Variants in STPG2 observed in about 807,000 individuals in gnomAD.
The protein encoded by STPG2 is sperm-tail PG-rich repeat-containing protein 2.
Under a neutral mutation model 54.2 loss-of-function variants are expected in STPG2, and 56 were observed. The ratio of observed to expected loss-of-function variants is 1.03; its 90% CI spans 0.83 to 1.29. The LOEUF (loss-of-function observed/expected upper bound fraction) is 1.29. Among genes scored for constraint, STPG2 ranks in the 50% most tolerant of loss-of-function variants. The probability of loss-of-function intolerance (pLI) is 0.00; values close to 1 mark genes in which losing one functional copy is unlikely to be tolerated. For missense variants in STPG2, 596 were observed against 544.9 expected, an observed-to-expected ratio of 1.09 and a Z score of -0.93; for synonymous variants, 200 against 181.8, an observed-to-expected ratio of 1.10 and a Z score of -0.81.
intron 9 of STPG2, among the ~76,000 whole-genome samples, chr4:97,822,426 C>T (rs182725407): frequency 1.0e-3 from 154 of 152,336 alleles, no homozygotes; most frequent in African/African-American, 3.4e-3. Flanking sequence ...GCCCTCCAAA[C>T]TCTCCCAGCA....
intron 5 of STPG2, among the ~76,000 whole-genome samples, chr4:98,021,059 A>G (rs1473922340): frequency 6.6e-6 from 1 of 152,106 alleles, no homozygotes; most frequent in African/African-American, 2.4e-5. Context: ...GCCTTCTGCT[A>G]GCTTTTGAAT....
intron 4 of STPG2, among the ~76,000 whole-genome samples, chr4:97,462,386 T>C (rs768075016): frequency 1.4e-4 from 22 of 152,168 alleles, no homozygotes; most frequent in Non-Finnish European, 2.8e-4. Flanking sequence ...TATCAAATTC[T>C]ATATAAATTT....
chr4:97,918,806 A>T (rs1731987098), intron 8 of STPG2, among the ~76,000 whole-genome samples: 1 of 152,132 alleles, frequency 6.6e-6, no homozygotes, highest in Non-Finnish European at 1.5e-5. Flanking sequence ...GAACTCTGGA[A>T]ACTCGGGGGA....
intron 10 of STPG2, among the ~76,000 whole-genome samples, chr4:97,666,659 T>A (rs192942370): frequency 6.6e-6 from 1 of 152,196 alleles, no homozygotes; most frequent in Non-Finnish European, 1.5e-5. Context: ...TTAGGATATA[T>A]AACAATTGAC....
chr4:98,122,232 CTA>C (rs1481289650), intron 3 of STPG2, among the ~76,000 whole-genome samples: 1 of 152,144 alleles, frequency 6.6e-6, no homozygotes, highest in Non-Finnish European at 1.5e-5. Context: ...ACTTCCAATA[CTA>C]TGTTGAATAG....
intron 4 of STPG2, among the ~76,000 whole-genome samples, chr4:97,500,060 C>CA (rs1163863968): frequency 2.0e-5 from 3 of 151,160 alleles, no homozygotes; most frequent in Non-Finnish European, 4.4e-5. Context: ...ACTATGGTCT[C>CA]AAAAAAAGGC....
intron 9 of STPG2, among the ~76,000 whole-genome samples, chr4:97,778,320 C>T (rs187139021): frequency 1.1e-4 from 16 of 152,258 alleles, no homozygotes; most frequent in South Asian, 4.1e-4. Context: ...CCCATGCCCA[C>T]GGAGCCTCGC....
chr4:97,617,691 T>G (rs938701717), intron 10 of STPG2, among the ~76,000 whole-genome samples: 1 of 152,138 alleles, frequency 6.6e-6, no homozygotes. Context: ...CTTTCCCTTT[T>G]CTGAGCAATG....
intron 5 of STPG2, among the ~76,000 whole-genome samples, chr4:98,019,159 A>C (rs149015152): frequency 0.012 from 1,796 of 152,280 alleles, 29 homozygotes; most frequent in African/African-American, 0.041. Flanking sequence ...TAGGTCTAAC[A>C]TGTAAGTCTT....
chr4:97,866,033 T>C (rs1729759620), intron 8 of STPG2, among the ~76,000 whole-genome samples: 1 of 151,746 alleles, frequency 6.6e-6, no homozygotes, highest in Admixed American at 6.6e-5. Context: ...TTGTGGGAGC[T>C]AAAAATTAAA....
At chr4:97,888,334 A>G (rs1241736866) in intron 8 of STPG2, among the ~76,000 whole-genome samples, 1 of 152,166 alleles carries the variant, frequency 6.6e-6, no homozygotes, top group Non-Finnish European at 1.5e-5. Context: ...GAGAGCAGCC[A>G]TGGGGGCTGA....
intron 9 of STPG2, among the ~76,000 whole-genome samples, chr4:97,829,376 C>T (rs765908962): frequency 2.0e-5 from 3 of 152,100 alleles, no homozygotes; most frequent in African/African-American, 7.2e-5. Context: ...AAGTCACCAA[C>T]ATCAAAGAGC....
intron 9 of STPG2, among the ~76,000 whole-genome samples, chr4:97,728,906 T>C (rs189351256): frequency 8.6e-5 from 13 of 151,880 alleles, no homozygotes; most frequent in African/African-American, 3.1e-4. Flanking sequence ...TGCATGCATG[T>C]GTGTGTGTGA....
chr4:97,451,784 C>G (rs887384727), intron 4 of STPG2, among the ~76,000 whole-genome samples: 2 of 152,106 alleles, frequency 1.3e-5, no homozygotes, highest in African/African-American at 4.8e-5. Flanking sequence ...TATTGTTTTT[C>G]TCTATTACTG....
chr4:98,047,393 C>A (rs150201673), intron 5 of STPG2, among the ~76,000 whole-genome samples: 116 of 151,456 alleles, frequency 7.7e-4, no homozygotes, highest in African/African-American at 2.7e-3. Context: ...CTCCCAGATG[C>A]AGGCAAGTTA....
At chr4:97,538,360 C>T (rs550022002) in intron 4 of STPG2, among the ~76,000 whole-genome samples, 1 of 152,170 alleles carries the variant, frequency 6.6e-6, no homozygotes, top group South Asian at 2.1e-4. Context: ...CCTAATGGAG[C>T]TGAAAACCCA....
chr4:97,953,348 A>C (rs576267258), intron 7 of STPG2, among the ~76,000 whole-genome samples: 1 of 152,290 alleles, frequency 6.6e-6, no homozygotes, highest in South Asian at 2.1e-4. Flanking sequence ...CAGCTGTCTA[A>C]GTTCTAGGCA....
At chr4:98,050,257 A>C (rs924524705) in intron 5 of STPG2, among the ~76,000 whole-genome samples, 3 of 152,174 alleles carry the variant, frequency 2.0e-5, no homozygotes, top group Admixed American at 6.5e-5. Flanking sequence ...ATACATATTA[A>C]AATGTTTACA....
chr4:97,486,309 C>G, intron 4 of STPG2, among the ~76,000 whole-genome samples: 1 of 151,770 alleles, frequency 6.6e-6, no homozygotes, highest in East Asian at 1.9e-4. Flanking sequence ...CTACAATTAA[C>G]TCAAACAAAT....
Sources: allele counts gnomAD v4.1 joint callset (sites outside exome capture counted in the v4.1 genomes callset), GRCh38; gene constraint gnomAD v4.1.1; transcripts MANE v1.5; gene names NCBI Gene and HGNC (gene_info 2026-07-23, HGNC 2026-07-21).